Variants in PTK2 observed in about 807,000 individuals in gnomAD.
PTK2 encodes focal adhesion kinase 1.
PTK2 carries 45 observed loss-of-function variants against 150.1 expected under a neutral mutation model. The ratio of observed to expected loss-of-function variants is 0.30; its 90% confidence interval spans 0.24 to 0.38. PTK2 has a LOEUF of 0.38. PTK2 is among the 10% of genes least tolerant of loss of function. PTK2 has a pLI of 1.00. For synonymous variants in PTK2, 432 were observed against 449.2 expected (o/e 0.96, Z 0.48); for missense variants, 919 against 1,307.3 (o/e 0.70, Z 4.58).
intron 1 of PTK2, among the ~76,000 whole-genome samples, chr8:140,928,260 C>T (rs2100170444): frequency 6.6e-6 from 1 of 152,026 alleles, no homozygotes; most frequent in African/African-American, 2.4e-5. Flanking sequence ...TTAAAACCAA[C>T]CTAACACCCA....
chr8:140,735,159 T>G, intron 22 of PTK2, 92 bp downstream of exon 25: 1 of 1,220,026 alleles, frequency 8.2e-7, no homozygotes, highest in Non-Finnish European at 1.2e-6. Flanking sequence ...TTAGACATAC[T>G]GATATAATGA....
At chr8:140,754,957 TTCG>T (rs745327831) in intron 16 of PTK2, among the ~76,000 whole-genome samples, 40 of 152,196 alleles carry the variant, frequency 2.6e-4, no homozygotes, top group Non-Finnish European at 5.6e-4. Flanking sequence ...TTTTAAAATC[TTCG>T]TAAAATACAG....
intron 1 of PTK2, 93 bp from the exon 2 acceptor site, chr8:140,925,842 CTGAG>C (rs1171515114): frequency 1.3e-5 from 2 of 155,508 alleles, no homozygotes; most frequent in Non-Finnish European, 1.4e-5. Context: ...CTATCACTTA[CTGAG>C]TACTACTTGC....
chr8:140,675,686 C>T (rs1177540637), intron 27 of PTK2, 187 bp from the exon 31 acceptor site: 7 of 558,278 alleles, frequency 1.3e-5, no homozygotes, highest in African/African-American at 9.5e-5. Context: ...GCAAATGATG[C>T]CAATAGCATG....
chr8:140,817,199 G>A (rs2100105216), intron 10 of PTK2, among the ~76,000 whole-genome samples: 1 of 151,928 alleles, frequency 6.6e-6, no homozygotes, highest in East Asian at 1.9e-4. Flanking sequence ...ACAGGAATAT[G>A]AGGAAAAACA....
At chr8:140,658,961 A>G (rs1037045330) in exon 32 of PTK2, 1 of 225,298 alleles carries the variant, frequency 4.4e-6, no homozygotes, top group Non-Finnish European at 8.9e-6. Context: ...AAGTGGGATT[A>G]GCATATTGCA....
intron 12 of PTK2, among the ~76,000 whole-genome samples, chr8:140,798,673 G>C (rs1016402314): frequency 6.6e-6 from 1 of 152,128 alleles, no homozygotes; most frequent in African/African-American, 2.4e-5. Flanking sequence ...GTATGTCAAG[G>C]ACCTTTTGGT....
intron 10 of PTK2, among the ~76,000 whole-genome samples, chr8:140,811,682 G>A (rs1390378068): frequency 6.6e-6 from 1 of 152,130 alleles, no homozygotes; most frequent in Admixed American, 6.5e-5. Flanking sequence ...AAACAATACA[G>A]GAGCTGAGAG....
rs574933127 is a variant in PTK2 at position 140,928,334 on chromosome 8, G to A, written c.-121-2585C>T. Among the ~76,000 whole-genome samples, 6 of 152,206 alleles carry A rather than the reference G, an allele frequency of 3.9e-5. No homozygotes were observed. The East Asian group carries it at 5.8e-4, about 15-fold the overall frequency. On this transcript the variant is annotated intron_variant, in intron 1 of 31. Transcript: ENST00000522684. ...GGTTTGGCAAGGATATGAAGAAATC[G>A]AAACCCTTGTGTATTGTTGGTGGGA...
chr8:140,719,887 C>CAAAA (rs71308987), intron 22 of PTK2, among the ~76,000 whole-genome samples: 4 of 90,890 alleles, frequency 4.4e-5, no homozygotes, highest in African/African-American at 1.6e-4. Flanking sequence ...CTTGTCTCAC[C>CAAAA]AAAAAAAAAA....
intron 1 of PTK2, among the ~76,000 whole-genome samples, chr8:140,931,752 T>G: frequency 6.6e-6 from 1 of 151,406 alleles, no homozygotes; most frequent in Non-Finnish European, 1.5e-5. Context: ...CTAGGCAACA[T>G]AGTGAGACCC....
intron 26 of PTK2, among the ~76,000 whole-genome samples, chr8:140,692,119 T>C (rs564906580): frequency 1.3e-4 from 20 of 152,266 alleles, no homozygotes; most frequent in African/African-American, 4.6e-4. Context: ...TAATGCATAA[T>C]TCCCTAATGT....
chr8:140,749,691 T>A (rs2100061576), intron 17 of PTK2, among the ~76,000 whole-genome samples: 1 of 152,238 alleles, frequency 6.6e-6, no homozygotes, highest in African/African-American at 2.4e-5. Context: ...ATGTACTATA[T>A]GGCCCTTTAA....
chr8:140,863,570 T>C (rs1301656415), intron 5 of PTK2, among the ~76,000 whole-genome samples: 2 of 152,226 alleles, frequency 1.3e-5, no homozygotes, highest in Non-Finnish European at 1.5e-5. Flanking sequence ...AACACAACTC[T>C]TCCTTTTCTA....
chr8:140,920,763 G>A (rs2154608267), intron 2 of PTK2: 2 of 1,365,424 alleles, frequency 1.5e-6, no homozygotes, highest in East Asian at 2.9e-5. Flanking sequence ...CCTTTTCGGT[G>A]CAAAAGCATG....
chr8:140,928,130 T>G lies in PTK2; in HGVS notation c.-121-2381A>C, dbSNP rs544321172. ...TAGTAGTTGGCCTTTTTTGTCAATT[T>G]CCCTCCCGTATGCTTTTGGTTTTGT... On this transcript the variant is annotated intron_variant, in intron 1 of 31. Coordinates refer to ENST00000522684, the Ensembl canonical transcript of PTK2. Among the ~76,000 whole-genome samples, 5 of 151,646 alleles carry G rather than the reference T, an allele frequency of 3.3e-5. No individual in the cohort carries two copies. The East Asian group carries it at 9.7e-4, about 29-fold the overall frequency.
At chr8:140,803,251 G>A (rs2100096320) in intron 11 of PTK2, among the ~76,000 whole-genome samples, 1 of 151,906 alleles carries the variant, frequency 6.6e-6, no homozygotes, top group East Asian at 1.9e-4. Context: ...GCCTGCCTTG[G>A]CCTCCCAAAG....
At chr8:140,986,408 T>G (rs975363260) in intron 1 of PTK2, among the ~76,000 whole-genome samples, 2 of 152,220 alleles carry the variant, frequency 1.3e-5, no homozygotes, top group African/African-American at 4.8e-5. Context: ...GGACAGAATA[T>G]TTTTATAATC....
chr8:140,829,366 C>T (rs1054612903), intron 8 of PTK2, among the ~76,000 whole-genome samples: 2 of 152,162 alleles, frequency 1.3e-5, no homozygotes, highest in Non-Finnish European at 2.9e-5. Flanking sequence ...GAGCAGGACC[C>T]AGATATCTGA....
Sources: allele counts gnomAD v4.1 joint callset (sites outside exome capture counted in the v4.1 genomes callset), GRCh38; gene constraint gnomAD v4.1.1; transcripts MANE v1.5; gene names NCBI Gene and HGNC (gene_info 2026-07-23, HGNC 2026-07-21).